The following BRINP1 variants were observed in gnomAD, a reference collection of about 807,000 sequenced individuals.
BRINP1 encodes BMP/retinoic acid-inducible neural-specific protein 1.
In BRINP1, 17 loss-of-function variants were observed where a neutral mutation model predicts 72.9. That is an observed-to-expected ratio of 0.23 (90% CI 0.16 to 0.35). BRINP1 has a LOEUF of 0.35. BRINP1 is among the 10% of genes least tolerant of loss of function. The pLI is 1.00. For missense variants in BRINP1, 850 were observed against 1,001.6 expected (o/e 0.85, Z 2.04); for synonymous variants, 418 against 378.5 (o/e 1.10, Z -1.21).
intron 1 of BRINP1, among the ~76,000 whole-genome samples, chr9:119,362,645 A>T (rs1190859607): frequency 6.6e-6 from 1 of 152,040 alleles, no homozygotes; most frequent in Non-Finnish European, 1.5e-5. Context: ...TTTTCACAAC[A>T]CTTCATTTAA....
chr9:119,167,041 G>A lies in BRINP1; in HGVS notation c.*43C>T, dbSNP rs1440429596. 2.0e-6 allele frequency: 3 copies of A among 1,523,246 alleles called. No homozygotes were observed. The highest frequency in any genetic ancestry group is 2.7e-6 in the Non-Finnish European group (3 of 1,127,176). The allele number at this position is 1,523,246 out of a possible 1,614,324, so 94.4% of individuals were successfully genotyped here. On this transcript the variant is annotated 3_prime_UTR_variant, in exon 8 of 8. Coordinates refer to ENST00000265922, the MANE Select transcript of BRINP1 (RefSeq NM_014618.3). This position sits in a 1 kb window ranked among gnomAD's most constrained non-coding sequence, Gnocchi z 4.3. Reference sequence around the variant, plus strand: ...GTTTTGCTTCATTTTGTTCTGTTGTGTGTGTACAACAACAGGAAAAGTCCA... The same window carrying A: ...GTTTTGCTTCATTTTGTTCTGTTGTATGTGTACAACAACAGGAAAAGTCCA...
At chr9:119,170,168 C>A (rs1448635364) in intron 7 of BRINP1, among the ~76,000 whole-genome samples, 1 of 151,484 alleles carries the variant, frequency 6.6e-6, no homozygotes, top group Non-Finnish European at 1.5e-5. Flanking sequence ...AGGCTTCAGA[C>A]GATCAAATTA....
intron 5 of BRINP1, among the ~76,000 whole-genome samples, chr9:119,229,566 G>A (rs535765403): frequency 2.0e-5 from 3 of 152,194 alleles, no homozygotes; most frequent in African/African-American, 7.2e-5. Flanking sequence ...AATGTAGAAG[G>A]TCAGAGAAGC....
chr9:119,169,793 C>T (rs1171099075), intron 7 of BRINP1, among the ~76,000 whole-genome samples: 1 of 152,222 alleles, frequency 6.6e-6, no homozygotes, highest in Non-Finnish European at 1.5e-5. Flanking sequence ...TGAGAACGGG[C>T]AGACTGCCTC....
intron 2 of BRINP1, among the ~76,000 whole-genome samples, chr9:119,252,424 A>C (rs2118924984): frequency 6.6e-6 from 1 of 152,282 alleles, no homozygotes; most frequent in African/African-American, 2.4e-5. Flanking sequence ...TCTGAGGAAA[A>C]GAGTATTTCC....
At chr9:119,301,545 G>A (rs956172456) in intron 2 of BRINP1, among the ~76,000 whole-genome samples, 1 of 152,212 alleles carries the variant, frequency 6.6e-6, no homozygotes, top group African/African-American at 2.4e-5. Context: ...AGGTTTGACT[G>A]TAAAGGGCTA....
intron 2 of BRINP1, among the ~76,000 whole-genome samples, chr9:119,284,313 AG>A (rs1482937345): frequency 6.6e-6 from 1 of 152,194 alleles, no homozygotes; most frequent in African/African-American, 2.4e-5. Flanking sequence ...ATGAAGCTGC[AG>A]TTTTCTCTTC....
intron 2 of BRINP1, among the ~76,000 whole-genome samples, chr9:119,272,274 G>A (rs1460218287): frequency 6.6e-6 from 1 of 151,864 alleles, no homozygotes; most frequent in Non-Finnish European, 1.5e-5. Flanking sequence ...GTAGAGATGG[G>A]GTTTCACCAT....
At chr9:119,304,378 A>G (rs941671787) in intron 2 of BRINP1, among the ~76,000 whole-genome samples, 1 of 152,292 alleles carries the variant, frequency 6.6e-6, no homozygotes, top group Non-Finnish European at 1.5e-5. Context: ...CGACCATTGT[A>G]TGGTTCACAA....
chr9:119,342,104 G>T (rs1831412087), intron 1 of BRINP1, among the ~76,000 whole-genome samples: 1 of 152,064 alleles, frequency 6.6e-6, no homozygotes, highest in Non-Finnish European at 1.5e-5. Context: ...CAGTTATAAA[G>T]ATCAGAGACT....
intron 4 of BRINP1, among the ~76,000 whole-genome samples, chr9:119,240,811 A>G (rs951808015): frequency 6.6e-6 from 1 of 152,320 alleles, no homozygotes; most frequent in Admixed American, 6.5e-5. Flanking sequence ...GCAGGGTAAG[A>G]CCCCTTGGCC....
At chr9:119,219,683 GAGAGAGAGAGAGAA>G (rs1399364694) in intron 5 of BRINP1, among the ~76,000 whole-genome samples, 2 of 136,668 alleles carry the variant, frequency 1.5e-5, no homozygotes, top group African/African-American at 3.3e-5. Context: ...GAGAGAGAGA[GAGAGAGAGAGAGAA>G]AGAGATGTAA....
At chr9:119,355,602 G>A (rs1405562798) in intron 1 of BRINP1, among the ~76,000 whole-genome samples, 1 of 152,022 alleles carries the variant, frequency 6.6e-6, no homozygotes, top group East Asian at 1.9e-4. Flanking sequence ...GGTGGTGGGT[G>A]CCTGTAGTCC....
intron 3 of BRINP1, among the ~76,000 whole-genome samples, chr9:119,242,652 T>C (rs1830265529): frequency 2.0e-5 from 3 of 152,014 alleles, no homozygotes; most frequent in Non-Finnish European, 4.4e-5. Context: ...CCTTCATTTC[T>C]TTCTCCTTTC....
At chr9:119,349,426 A>T (rs554396165) in intron 1 of BRINP1, among the ~76,000 whole-genome samples, 108 of 152,330 alleles carry the variant, frequency 7.1e-4, no homozygotes, top group African/African-American at 2.6e-3. Context: ...CTTAAGTTTC[A>T]GCTCTTGGAG....
intron 7 of BRINP1, among the ~76,000 whole-genome samples, chr9:119,200,476 T>C (rs1829792600): frequency 1.3e-5 from 2 of 151,660 alleles, no homozygotes; most frequent in African/African-American, 2.4e-5. Context: ...TTAGATAAGC[T>C]AGCCAGGTAT....
At position 119,182,872 on chromosome 9, in the gene BRINP1, CATCAAAAAGCATA is replaced by C. The variant is rs1409963973; in HGVS notation, c.1146-14661_1146-14649del. The stretch of plus-strand genomic sequence containing the variant: ...AGGCAAATGATATGGACAGGCACTT[CATCAAAAAGCATA>C]TTCAAAAAGTCAATATGCAATGAAT... On this transcript the variant is annotated intron_variant, in intron 7 of 7. Coordinates refer to ENST00000265922, the MANE Select transcript of BRINP1 (RefSeq NM_014618.3). Among the ~76,000 whole-genome samples the C allele has an allele frequency of 2.0e-5, 3 of 152,168 alleles. No homozygotes were observed. The East Asian group carries it at 5.8e-4, about 29-fold the overall frequency.
chr9:119,177,945 G>T (rs1039355876), intron 7 of BRINP1, among the ~76,000 whole-genome samples: 2 of 152,162 alleles, frequency 1.3e-5, no homozygotes, highest in Non-Finnish European at 2.9e-5. Flanking sequence ...TGTTCACGGG[G>T]AGCAGGGAGC....
chr9:119,277,878 C>T (rs899848319), intron 2 of BRINP1, among the ~76,000 whole-genome samples: 8 of 152,244 alleles, frequency 5.3e-5, no homozygotes, highest in African/African-American at 1.9e-4. Context: ...ATTCCTCAAA[C>T]CCCTTGCTTG....
Sources: gnomAD v4.1 joint callset for allele counts (sites outside exome capture counted in the v4.1 genomes callset) on GRCh38, gnomAD v4.1.1 for gene constraint, Gnocchi (gnomAD v3.1) non-coding constraint, MANE v1.5 for transcripts, NCBI Gene and HGNC (gene_info 2026-07-23, HGNC 2026-07-21) for gene names.